IL1RAPL2: variants seen among roughly 807,000 people sequenced by gnomAD.
The protein encoded by IL1RAPL2 is interleukin 1 receptor accessory protein like 2.
In IL1RAPL2, 3 loss-of-function variants were observed where a neutral mutation model predicts 44.1. That is an observed-to-expected ratio of 0.07 (90% CI 0.03 to 0.18). The LOEUF is 0.18. Ranked by LOEUF, IL1RAPL2 falls within the 10% of genes least tolerant of loss-of-function variation. The pLI is 1.00. For synonymous variants in IL1RAPL2, 181 were observed against 178.8 expected (o/e 1.01, Z -0.10); for missense variants, 391 against 496.4 (o/e 0.79, Z 2.02).
At chrX:104,647,997 C>A (rs1930080272) in intron 1 of IL1RAPL2, 2 of 794,969 alleles carry the variant, frequency 2.5e-6, no homozygotes, top group Non-Finnish European at 3.7e-6. Context: ...ACTTTGGCAG[C>A]CATGTTTTCT....
chrX:105,075,018 A>T (rs1312706879), intron 2 of IL1RAPL2, among the ~76,000 whole-genome samples: 3 of 110,846 alleles, frequency 2.7e-5, no homozygotes, highest in Non-Finnish European at 5.7e-5. Context: ...CTTTTCCTAA[A>T]TGAATGCCCT....
Position 104,679,520 on chromosome X carries a change from C to G in IL1RAPL2, c.82+20525C>G, listed in dbSNP as rs138328935. ...AGTTCCGTTTCCTGGGTAATCTTAC[C>G]TTCCTCTTTCCTAATGTTGTTTTAG... On this transcript the variant is annotated intron_variant, in intron 2 of 10. Coordinates refer to ENST00000372582, the MANE Select transcript of IL1RAPL2 (RefSeq NM_017416.2). Among the ~76,000 whole-genome samples the G allele has an allele frequency of 6.4e-3, 721 of 111,917 alleles. 3 individuals are homozygous for G. The highest frequency in any genetic ancestry group is 0.022 in the African/African-American group (683 of 30,787).
intron 6 of IL1RAPL2, among the ~76,000 whole-genome samples, chrX:105,560,115 A>G (rs899530082): frequency 9.0e-6 from 1 of 111,315 alleles, no homozygotes; most frequent in Non-Finnish European, 1.9e-5. Flanking sequence ...CTACCAATGC[A>G]CCATAGCCAT....
At chrX:104,750,075 G>A (rs763743638) in intron 2 of IL1RAPL2, among the ~76,000 whole-genome samples, 1 of 111,725 alleles carries the variant, frequency 9.0e-6, no homozygotes, top group East Asian at 2.9e-4. Context: ...CTTTTCTGAG[G>A]CTTGCTCGCT....
chrX:104,957,906 G>C (rs1569351357), intron 2 of IL1RAPL2, among the ~76,000 whole-genome samples: 1 of 110,892 alleles, frequency 9.0e-6, no homozygotes, highest in East Asian at 2.9e-4. Context: ...GGGCAACACA[G>C]CGAGACCTCA....
At chrX:105,204,036 G>A (rs551747903) in intron 3 of IL1RAPL2, among the ~76,000 whole-genome samples, 1 of 111,580 alleles carries the variant, frequency 9.0e-6, no homozygotes, top group Non-Finnish European at 1.9e-5. Flanking sequence ...AAACTAATAG[G>A]TTCTGACTCC....
intron 6 of IL1RAPL2, among the ~76,000 whole-genome samples, chrX:105,573,049 T>C (rs1397356993): frequency 9.1e-6 from 1 of 110,344 alleles, no homozygotes; most frequent in East Asian, 2.9e-4. Context: ...AAGGTTGGTT[T>C]GTTTGTCTAT....
At chrX:104,677,450 C>G (rs780534166) in intron 2 of IL1RAPL2, among the ~76,000 whole-genome samples, 5 of 111,235 alleles carry the variant, frequency 4.5e-5, no homozygotes, top group East Asian at 2.9e-4. Flanking sequence ...GGCAGTCTGC[C>G]GGTTCTCAGA....
At chrX:105,585,882 A>C (rs181296103) in intron 6 of IL1RAPL2, among the ~76,000 whole-genome samples, 1 of 112,556 alleles carries the variant, frequency 8.9e-6, no homozygotes, top group Admixed American at 9.4e-5. Flanking sequence ...GTATACACCC[A>C]GTAATGGGAT....
intron 2 of IL1RAPL2, among the ~76,000 whole-genome samples, chrX:105,105,681 C>T (rs761924272): frequency 6.2e-5 from 7 of 112,238 alleles, no homozygotes; most frequent in African/African-American, 9.7e-5. Context: ...GATGTGACCA[C>T]GTGATCTCTT....
chrX:105,235,091 C>T (rs1556200169), intron 4 of IL1RAPL2, among the ~76,000 whole-genome samples: 1 of 111,573 alleles, frequency 9.0e-6, no homozygotes, highest in African/African-American at 3.3e-5. Context: ...AGTTGCTTCC[C>T]TCTCCTGCCA....
chrX:104,677,128 C>T (rs1010439008), intron 2 of IL1RAPL2, among the ~76,000 whole-genome samples: 23 of 112,006 alleles, frequency 2.1e-4, no homozygotes, highest in African/African-American at 5.2e-4. Flanking sequence ...AGCTTTGTTC[C>T]GTTGCTGGTG....
intron 2 of IL1RAPL2, among the ~76,000 whole-genome samples, chrX:104,827,271 C>A (rs1291462910): frequency 9.1e-6 from 1 of 110,410 alleles, no homozygotes; most frequent in Non-Finnish European, 1.9e-5. Context: ...AGTGATTTTT[C>A]CTTTCCATAT....
intron 6 of IL1RAPL2, among the ~76,000 whole-genome samples, chrX:105,612,433 T>C (rs944658583): frequency 2.7e-5 from 3 of 111,875 alleles, no homozygotes; most frequent in Non-Finnish European, 5.6e-5. Flanking sequence ...AACATAGTTG[T>C]GGAAGGGGTG....
chrX:105,724,409 C>T (rs955810434), intron 7 of IL1RAPL2, among the ~76,000 whole-genome samples: 1 of 110,461 alleles, frequency 9.1e-6, no homozygotes, highest in Non-Finnish European at 1.9e-5. Context: ...TCCCGAGCCT[C>T]TCCTGATTTT....
intron 2 of IL1RAPL2, among the ~76,000 whole-genome samples, chrX:104,880,976 G>T (rs2048434200): frequency 1.8e-5 from 2 of 111,592 alleles, no homozygotes; most frequent in South Asian, 7.4e-4. Flanking sequence ...ATTTTGCGGA[G>T]TGGTTATTAA....
chrX:105,407,814 A>G (rs1327640299), intron 5 of IL1RAPL2, among the ~76,000 whole-genome samples: 1 of 112,031 alleles, frequency 8.9e-6, no homozygotes, highest in Non-Finnish European at 1.9e-5. Flanking sequence ...ATTTCTCAGA[A>G]TTTCATTCTA....
rs751746734 is a variant in IL1RAPL2 at position 104,887,553 on chromosome X, G to A, written c.82+228558G>A. Among the ~76,000 whole-genome samples, 3 of 111,231 alleles carry A rather than the reference G, an allele frequency of 2.7e-5. No homozygotes were observed. In the East Asian group the frequency reaches 8.6e-4, roughly 32 times the overall value. Reference sequence around the variant, plus strand: ...GTCTGGACTACTCATGACGTAAATGGCATACTAGGTGCCAAAGAAAGTTTA... The same window carrying A: ...GTCTGGACTACTCATGACGTAAATGACATACTAGGTGCCAAAGAAAGTTTA... On this transcript the variant is annotated intron_variant, in intron 2 of 10. Transcript: ENST00000372582.
chrX:105,277,037 C>G (rs2034492014), intron 5 of IL1RAPL2, among the ~76,000 whole-genome samples: 1 of 111,429 alleles, frequency 9.0e-6, no homozygotes, highest in Non-Finnish European at 1.9e-5. Flanking sequence ...GATGATGAAG[C>G]AAGTTGGTGT....
Sources: gnomAD v4.1 joint callset for allele counts (sites outside exome capture counted in the v4.1 genomes callset) on GRCh38, gnomAD v4.1.1 for gene constraint, MANE v1.5 for transcripts, NCBI Gene and HGNC (gene_info 2026-07-23, HGNC 2026-07-21) for gene names.